Variants in STAG1 observed in about 807,000 individuals in gnomAD.
STAG1 encodes the protein STAG1 cohesin complex component.
Under a neutral mutation model 170.9 loss-of-function variants are expected in STAG1, and 26 were observed. That is an observed-to-expected ratio of 0.15 (90% CI 0.11 to 0.21). The LOEUF (loss-of-function observed/expected upper bound fraction) is 0.21, where lower values mean the gene tolerates loss of function less well. Ranked by LOEUF, STAG1 falls within the 10% of genes least tolerant of loss-of-function variation. STAG1 has a pLI of 1.00. For missense variants in STAG1, 964 were observed against 1,509.5 expected (o/e 0.64, Z 5.99); for synonymous variants, 514 against 497.7 (o/e 1.03, Z -0.44).
chr3:136,399,671 C>T (rs116490962), intron 21 of STAG1, among the ~76,000 whole-genome samples: 1 of 152,118 alleles, frequency 6.6e-6, no homozygotes, highest in East Asian at 1.9e-4. Flanking sequence ...TTGCGATTAA[C>T]ATGCTTATAT....
At chr3:136,706,290 T>C (rs1943226820) in intron 1 of STAG1, among the ~76,000 whole-genome samples, 1 of 152,150 alleles carries the variant, frequency 6.6e-6, no homozygotes, top group Non-Finnish European at 1.5e-5. Flanking sequence ...AAGGATGAAG[T>C]GTAACTATCT....
chr3:136,610,789 G>GT (rs1198029740), intron 3 of STAG1, among the ~76,000 whole-genome samples: 1 of 152,114 alleles, frequency 6.6e-6, no homozygotes, highest in Non-Finnish European at 1.5e-5. Context: ...AGTTCTAAGG[G>GT]TTTTGACAAA....
chr3:136,751,383 G>A (rs1345873789), intron 1 of STAG1, among the ~76,000 whole-genome samples: 2 of 152,082 alleles, frequency 1.3e-5, no homozygotes, highest in African/African-American at 2.4e-5. Flanking sequence ...TGCAAACGGG[G>A]CTCAGGTCCA....
chr3:136,522,384 G>C (rs533835192), intron 6 of STAG1, among the ~76,000 whole-genome samples: 1 of 152,290 alleles, frequency 6.6e-6, no homozygotes, highest in South Asian at 2.1e-4. Flanking sequence ...TGTTAGATGA[G>C]TGGTAGGGAG....
At chr3:136,396,362 C>A (rs551482486) in intron 22 of STAG1, among the ~76,000 whole-genome samples, 25 of 151,410 alleles carry the variant, frequency 1.7e-4, no homozygotes, top group Non-Finnish European at 2.9e-4. Context: ...GGACTACAGG[C>A]GCCTGCCACC....
intron 6 of STAG1, among the ~76,000 whole-genome samples, chr3:136,532,557 C>T (rs1935426412): frequency 6.6e-6 from 1 of 152,078 alleles, no homozygotes; most frequent in Admixed American, 6.6e-5. Context: ...ACTACAAACT[C>T]ACTAATACAC....
intron 1 of STAG1, among the ~76,000 whole-genome samples, chr3:136,673,785 A>G (rs1261600448): frequency 1.3e-5 from 2 of 152,090 alleles, no homozygotes; most frequent in Non-Finnish European, 2.9e-5. Flanking sequence ...ATCAAATACA[A>G]TAACTATAAT....
rs1469155596 is a variant in STAG1, at chr3:136,337,778, G to A, written c.*476C>T. The A allele has an allele frequency of 6.5e-6, 1 of 153,012 alleles. No individual in the cohort carries two copies. Among genetic ancestry groups the A allele is most frequent in the Non-Finnish European group, 1.5e-5 (1 of 68,344 alleles). The allele number at this position is 153,012 out of a possible 1,614,324, so 9.5% of individuals were successfully genotyped here. On this transcript the variant is annotated 3_prime_UTR_variant, in exon 34 of 34. Transcript: ENST00000383202. ...AAAACACTCTTCGCAATTAGGATGAGCTGCTTACTCATAGGTTTAATAAAA... is the reference window on the plus strand; with the variant it reads ...AAAACACTCTTCGCAATTAGGATGAACTGCTTACTCATAGGTTTAATAAAA...
intron 15 of STAG1, among the ~76,000 whole-genome samples, chr3:136,434,016 TAACA>T (rs2088384789): frequency 6.6e-6 from 1 of 152,122 alleles, no homozygotes; most frequent in African/African-American, 2.4e-5. Context: ...TTTAAAAACT[TAACA>T]GACAATATTT....
chr3:136,518,510 T>C, intron 7 of STAG1: 1 of 637,938 alleles, frequency 1.6e-6, no homozygotes, highest in South Asian at 1.7e-5. Context: ...CAAAATGTCC[T>C]TGAAAAGAGG....
chr3:136,389,873 C>T (rs1255114544), intron 22 of STAG1, among the ~76,000 whole-genome samples: 1 of 151,118 alleles, frequency 6.6e-6, no homozygotes, highest in African/African-American at 2.4e-5. Flanking sequence ...ACTTTGTCAC[C>T]CAGGCCGGAG....
intron 19 of STAG1, among the ~76,000 whole-genome samples, chr3:136,422,082 G>A (rs890664849): frequency 1.0e-4 from 15 of 150,644 alleles, no homozygotes; most frequent in African/African-American, 3.7e-4. Flanking sequence ...GGGAGGCGGA[G>A]GTTGCGGTGA....
chr3:136,461,704 T>C (rs951180260), intron 13 of STAG1, among the ~76,000 whole-genome samples: 1 of 150,894 alleles, frequency 6.6e-6, no homozygotes, highest in Non-Finnish European at 1.5e-5. Flanking sequence ...AACAGACAAA[T>C]GAGATTATAT....
chr3:136,408,403 G>C lies in STAG1; in HGVS notation c.2196+9482C>G, dbSNP rs1024874705. On this transcript the variant is annotated intron_variant, in intron 21 of 33. Coordinates refer to ENST00000383202, the MANE Select transcript of STAG1 (RefSeq NM_005862.3). ...TGTAACAGAACCTAGAATGGAGAGA[G>C]GGTGAAACTGAAGTTACTAAAACAG... Among the ~76,000 whole-genome samples, 6 of 152,092 alleles carry C rather than the reference G, an allele frequency of 3.9e-5. 1 individual carries two copies. The highest frequency in any genetic ancestry group is 1.4e-4 in the African/African-American group (6 of 41,440).
intron 21 of STAG1, among the ~76,000 whole-genome samples, chr3:136,413,023 T>C (rs1393207272): frequency 1.3e-5 from 2 of 151,488 alleles, no homozygotes; most frequent in African/African-American, 4.8e-5. Context: ...CCACCACACC[T>C]GGCTACTTTT....
chr3:136,343,978 G>A lies in STAG1; in HGVS notation c.3300C>T (p.Asn1100=), dbSNP rs745651636. ...EDESLDNTWL[N]RTDTMIQTPG... ...GAGTCTGAATCATGGTGTCAGTCCT[G>A]TTTAGCCATGTGTTATCCAGACTCT... Residue 1100 remains asparagine (N), a synonymous_variant, in exon 30 of 34, where the codon AAC becomes AAT. Coordinates refer to ENST00000383202, the MANE Select transcript of STAG1 (RefSeq NM_005862.3). The A allele has an allele frequency of 1.9e-6, 3 of 1,599,774 alleles. No individual in the cohort carries two copies. In the South Asian group the frequency reaches 3.4e-5, roughly 18 times the overall value.
intron 14 of STAG1, among the ~76,000 whole-genome samples, chr3:136,444,110 AT>A (rs1313213123): frequency 4.0e-5 from 6 of 150,700 alleles, no homozygotes; most frequent in African/African-American, 1.5e-4. Context: ...GTCTTGCTCT[AT>A]CGCCCAAGCT....
At chr3:136,521,449 G>T (rs759942344) in intron 6 of STAG1, 32 bp from the exon 7 acceptor site, 6 of 1,590,048 alleles carry the variant, frequency 3.8e-6, no homozygotes, top group Non-Finnish European at 5.2e-6. Context: ...TATTAAGTAT[G>T]TCACATTACA....
intron 1 of STAG1, among the ~76,000 whole-genome samples, chr3:136,717,595 TGGAGGGTG>T: frequency 6.6e-6 from 1 of 151,860 alleles, no homozygotes; most frequent in Non-Finnish European, 1.5e-5. Context: ...ACCCAGGAGG[TGGAGGGTG>T]CAGTGAGCGG....
Sources: allele counts gnomAD v4.1 joint callset (sites outside exome capture counted in the v4.1 genomes callset), GRCh38; gene constraint gnomAD v4.1.1; transcripts MANE v1.5; gene names NCBI Gene and HGNC (gene_info 2026-07-23, HGNC 2026-07-21).